The following CLASP1 variants were observed in gnomAD, a reference collection of about 807,000 sequenced individuals.
CLASP1 encodes CLIP-associating protein 1.
In CLASP1, 38 loss-of-function variants were observed where a neutral mutation model predicts 192.3. The ratio of observed to expected loss-of-function variants is 0.20; its 90% CI spans 0.15 to 0.26. The LOEUF (loss-of-function observed/expected upper bound fraction) is 0.26, where lower values mean the gene tolerates loss of function less well. Among genes scored for constraint, CLASP1 ranks in the 10% least tolerant of loss-of-function variants. The pLI, the probability that CLASP1 is intolerant of heterozygous loss-of-function variation, is 1.00. For missense variants in CLASP1, 1,433 were observed against 1,932.5 expected, an observed-to-expected ratio of 0.74 and a Z score of 4.85; for synonymous variants, 691 against 712.8, an observed-to-expected ratio of 0.97 and a Z score of 0.49.
At chr2:121,567,998 T>C (rs2059653250) in intron 2 of CLASP1, among the ~76,000 whole-genome samples, 1 of 152,182 alleles carries the variant, frequency 6.6e-6, no homozygotes. Flanking sequence ...TGCTTTTACA[T>C]CCATGAATCA....
At chr2:121,478,907 A>C (rs1322301104) in intron 8 of CLASP1, among the ~76,000 whole-genome samples, 2 of 66,380 alleles carry the variant, frequency 3.0e-5, no homozygotes, top group Non-Finnish European at 5.1e-5. Context: ...ACACCACACC[A>C]CACACACCAC....
intron 2 of CLASP1, among the ~76,000 whole-genome samples, chr2:121,587,231 A>C (rs2061821128): frequency 6.6e-6 from 1 of 151,854 alleles, no homozygotes; most frequent in Non-Finnish European, 1.5e-5. Context: ...ACGCGGCGAG[A>C]CTCTGTTTCA....
intron 14 of CLASP1, among the ~76,000 whole-genome samples, chr2:121,453,251 C>T (rs1443063776): frequency 2.6e-5 from 4 of 152,092 alleles, no homozygotes; most frequent in South Asian, 2.1e-4. Context: ...ACTATGATTG[C>T]ACCACTGCAC....
chr2:121,426,446 A>G (rs1307163035), intron 21 of CLASP1, among the ~76,000 whole-genome samples: 2 of 152,228 alleles, frequency 1.3e-5, no homozygotes, highest in African/African-American at 2.4e-5. Flanking sequence ...ACCTCACGGA[A>G]AGACTAATAA....
At position 121,531,022 on chromosome 2, in the gene CLASP1, T is replaced by A. The variant is rs775264067; in HGVS notation, c.196-697A>T. 1.0e-5 allele frequency: 7 copies of A among 699,998 alleles called. No homozygotes were observed. The Admixed American group carries it at 1.0e-4, about 10-fold the overall frequency. The allele number at this position is 699,998 out of a possible 1,614,324, so 43.4% of individuals were successfully genotyped here. ...TTTTTGGAAAAATGAAAACCTGTTT[T>A]CATAGACTTATCAGTTCAAACAGCA... On this transcript the variant is annotated intron_variant, in intron 2 of 39. Transcript: ENST00000263710.
intron 1 of CLASP1, among the ~76,000 whole-genome samples, chr2:121,629,490 C>T (rs1183223245): frequency 1.3e-5 from 2 of 151,782 alleles, no homozygotes; most frequent in African/African-American, 4.8e-5. Flanking sequence ...AACTAGAAAA[C>T]AATTAGAAAA....
chr2:121,423,386 T>C lies in CLASP1; in HGVS notation c.2212+1753A>G, dbSNP rs191936311. 1.5e-3 allele frequency among the ~76,000 whole-genome samples: 228 copies of C among 152,276 alleles called. 1 individual carries two copies. The highest frequency in any genetic ancestry group is 0.014 in the Admixed American group (208 of 15,290). On this transcript the variant is annotated intron_variant, in intron 22 of 39. Coordinates refer to ENST00000263710, the Ensembl canonical transcript of CLASP1. Reference sequence around the variant, plus strand: ...CTTTTCAACTACACACAACACAAACTTCCTAGTTAAAACCATGGAACACAT... The same window carrying C: ...CTTTTCAACTACACACAACACAAACCTCCTAGTTAAAACCATGGAACACAT...
chr2:121,413,284 A>T (rs2078028484), intron 23 of CLASP1, among the ~76,000 whole-genome samples: 1 of 152,108 alleles, frequency 6.6e-6, no homozygotes, highest in Admixed American at 6.5e-5. Context: ...AAAAACAAAC[A>T]AACAAAAAAA....
At chr2:121,387,285 A>G (rs1368915266) in intron 31 of CLASP1, 57 bp from the exon 33 acceptor site, 2 of 1,176,556 alleles carry the variant, frequency 1.7e-6, no homozygotes, top group South Asian at 1.8e-5. Context: ...AATATATTCT[A>G]TTCTTTCCTT....
intron 35 of CLASP1, among the ~76,000 whole-genome samples, chr2:121,365,537 C>T (rs2067233434): frequency 6.6e-6 from 1 of 152,216 alleles, no homozygotes; most frequent in Admixed American, 6.5e-5. Flanking sequence ...CAGTCAATGT[C>T]TTCACCCTTC....
intron 1 of CLASP1, among the ~76,000 whole-genome samples, chr2:121,644,526 C>T (rs1229055136): frequency 4.6e-5 from 7 of 152,188 alleles, no homozygotes; most frequent in South Asian, 4.1e-4. Context: ...TGTGCCACCA[C>T]GCCTGTAGTC....
intron 22 of CLASP1, among the ~76,000 whole-genome samples, chr2:121,421,745 G>C (rs574692371): frequency 6.6e-6 from 1 of 152,092 alleles, no homozygotes; most frequent in Non-Finnish European, 1.5e-5. Context: ...GTTTTGCCAT[G>C]GTGGTCAGGC....
At chr2:121,629,825 A>ATT (rs1559817043) in intron 1 of CLASP1, among the ~76,000 whole-genome samples, 1 of 150,442 alleles carries the variant, frequency 6.6e-6, no homozygotes, top group East Asian at 1.9e-4. Context: ...GAAAACAAAA[A>ATT]TGATGCCATT....
chr2:121,586,404 G>A (rs2061719054), intron 2 of CLASP1, among the ~76,000 whole-genome samples: 1 of 152,184 alleles, frequency 6.6e-6, no homozygotes, highest in Non-Finnish European at 1.5e-5. Context: ...TGGGATTACA[G>A]GAGTGAGACA....
chr2:121,549,177 C>T (rs1223842861), intron 2 of CLASP1, among the ~76,000 whole-genome samples: 5 of 152,216 alleles, frequency 3.3e-5, no homozygotes, highest in African/African-American at 1.2e-4. Context: ...CAATGGTATG[C>T]TGTCTTCAAG....
At chr2:121,585,464 T>C (rs1198665298) in intron 2 of CLASP1, among the ~76,000 whole-genome samples, 1 of 152,196 alleles carries the variant, frequency 6.6e-6, no homozygotes, top group Non-Finnish European at 1.5e-5. Context: ...AGACTAAGTA[T>C]ACTTGCTCTC....
chr2:121,630,058 T>C (rs2069194174), intron 1 of CLASP1, among the ~76,000 whole-genome samples: 1 of 151,798 alleles, frequency 6.6e-6, no homozygotes, highest in Admixed American at 6.6e-5. Context: ...GTAGCTGGGA[T>C]TACAGGTGTG....
intron 14 of CLASP1, among the ~76,000 whole-genome samples, chr2:121,453,936 G>C (rs765588598): frequency 2.6e-5 from 4 of 152,128 alleles, no homozygotes; most frequent in Non-Finnish European, 5.9e-5. Context: ...GAGGGACTGG[G>C]CAAGATGGTC....
At chr2:121,608,126 A>G (rs970077721) in intron 1 of CLASP1, among the ~76,000 whole-genome samples, 2 of 152,230 alleles carry the variant, frequency 1.3e-5, no homozygotes, top group African/African-American at 2.4e-5. Flanking sequence ...AGCAGCTATT[A>G]TCCTTCATTC....
Sources: allele counts gnomAD v4.1 joint callset (sites outside exome capture counted in the v4.1 genomes callset), GRCh38; gene constraint gnomAD v4.1.1; transcripts MANE v1.5; gene names NCBI Gene and HGNC (gene_info 2026-07-23, HGNC 2026-07-21).